SPRY3: variants seen among roughly 807,000 people sequenced by gnomAD.
SPRY3 encodes the protein sprouty RTK signaling antagonist 3, also known as protein sprouty homolog 3.
Under a neutral mutation model 20.2 loss-of-function variants are expected in SPRY3, and 15 were observed. The observed-to-expected ratio is 0.74, with a 90% CI of 0.50 to 1.14. SPRY3 has a LOEUF of 1.14. SPRY3 is among the 50% of genes most tolerant of loss of function. SPRY3 has a pLI of 0.00. For missense variants in SPRY3, 364 were observed against 363.9 expected, an observed-to-expected ratio of 1.00 and a Z score of 0.00; for synonymous variants, 143 against 136.5, an observed-to-expected ratio of 1.05 and a Z score of -0.33.
At chrX:155,723,428 A>T (rs1240425917) in intron 2 of SPRY3, among the ~76,000 whole-genome samples, 1 of 152,120 alleles carries the variant, frequency 6.6e-6, no homozygotes, top group East Asian at 1.9e-4. Flanking sequence ...ATTTCTCCAC[A>T]TCCTCTCCAG....
At chrX:155,777,074 T>G (rs2124030624), downstream of SPRY3, 1 of 167,182 alleles carries the variant, frequency 6.0e-6, no homozygotes, top group Non-Finnish European at 1.5e-5. Flanking sequence ...TTTAAGTAAC[T>G]TTTTAATCTT....
chrX:155,656,410 G>A (rs1478768923), intron 1 of SPRY3, among the ~76,000 whole-genome samples: 1 of 110,540 alleles, frequency 9.0e-6, no homozygotes, highest in Admixed American at 9.7e-5. Flanking sequence ...ACTTATGTAT[G>A]CTTCAAAAGT....
intron 2 of SPRY3, among the ~76,000 whole-genome samples, chrX:155,698,196 A>G (rs1238258562): frequency 1.8e-5 from 2 of 111,742 alleles, no homozygotes; most frequent in Non-Finnish European, 3.8e-5. Flanking sequence ...TTATCAAGAA[A>G]AAAACAAAAA....
chrX:155,725,760 A>G (rs1473489174), intron 2 of SPRY3, among the ~76,000 whole-genome samples: 3 of 152,034 alleles, frequency 2.0e-5, no homozygotes, highest in Non-Finnish European at 4.4e-5. Context: ...TGATCTTTCC[A>G]AAAAAGCAGC....
chrX:155,707,257 G>T lies in SPRY3; in HGVS notation c.-282+50232G>T, dbSNP rs2090958509. Among the ~76,000 whole-genome samples the T allele has an allele frequency of 4.6e-5, 7 of 151,234 alleles. 1 individual carries two copies. In the South Asian group the frequency reaches 1.5e-3, roughly 31 times the overall value. On this transcript the variant is annotated intron_variant, in intron 2 of 3. Transcript: ENST00000675360. ...ATTTCTTTTATTTATGGATCGTTTG[G>T]AAGTGTAGTTGAATATTTCCAAATA...
At chrX:155,773,855 T>TA (rs1569402550) in exon 4 of SPRY3, 2 of 1,608,370 alleles carry the variant, frequency 1.2e-6, no homozygotes, top group Non-Finnish European at 8.5e-7. Context: ...CACTCAGAGC[T>TA]AAAAAATCAA....
chrX:155,766,463 T>C (rs1432444452), intron 2 of SPRY3, among the ~76,000 whole-genome samples: 1 of 152,168 alleles, frequency 6.6e-6, no homozygotes, highest in African/African-American at 2.4e-5. Flanking sequence ...CTCACACAGT[T>C]TGTTTTACTC....
chrX:155,723,483 C>T (rs1238633824), intron 2 of SPRY3, among the ~76,000 whole-genome samples: 10 of 152,086 alleles, frequency 6.6e-5, no homozygotes, highest in Admixed American at 1.3e-4. Context: ...TTCTAACTGG[C>T]GTGAGATGGT....
At chrX:155,649,967 C>T (rs2067971163) in intron 1 of SPRY3, among the ~76,000 whole-genome samples, 2 of 111,145 alleles carry the variant, frequency 1.8e-5, no homozygotes, top group South Asian at 7.6e-4. Context: ...TTCCTATATA[C>T]CAATAATAGA....
chrX:155,751,925 A>AAATAAAATAAAAT (rs2091263995), intron 2 of SPRY3, among the ~76,000 whole-genome samples: 2 of 4,056 alleles, frequency 4.9e-4, no homozygotes, highest in African/African-American at 1.6e-3. Context: ...AAGGGAAGGG[A>AAATAAAATAAAAT]AATAAAATAA....
intron 2 of SPRY3, among the ~76,000 whole-genome samples, chrX:155,715,702 G>T (rs1425604697): frequency 6.6e-6 from 1 of 152,130 alleles, no homozygotes; most frequent in Non-Finnish European, 1.5e-5. Flanking sequence ...ACTTCAGCCA[G>T]TGGTGGCAAG....
At chrX:155,733,790 C>A (rs1291173239) in intron 2 of SPRY3, among the ~76,000 whole-genome samples, 2 of 152,112 alleles carry the variant, frequency 1.3e-5, no homozygotes, top group African/African-American at 4.8e-5. Context: ...GTTTTCTGAG[C>A]TAGATCTTCT....
At chrX:155,767,909 G>GT (rs1280970476) in intron 2 of SPRY3, 53 bp from the exon 2 acceptor site, 1 of 147,508 alleles carries the variant, frequency 6.8e-6, no homozygotes, top group Non-Finnish European at 1.5e-5. Flanking sequence ...CCGTTTTTTT[G>GT]TTTTGTTTTG....
intron 2 of SPRY3, among the ~76,000 whole-genome samples, chrX:155,660,853 G>A (rs1456631838): frequency 1.7e-4 from 19 of 109,026 alleles, no homozygotes; most frequent in African/African-American, 5.0e-4. Context: ...GCTCCTGCTC[G>A]CTTTTGGTCC....
downstream of SPRY3, chrX:155,780,930 C>G (rs1023555227): frequency 4.8e-5 from 8 of 166,672 alleles, no homozygotes; most frequent in African/African-American, 9.7e-5. Flanking sequence ...TTTCTCTCAC[C>G]TAAAACACCA....
rs751420256 is a variant in SPRY3, at chrX:155,763,574, G to T, written c.-281-4388G>T. Among the ~76,000 whole-genome samples, 38 of 152,054 alleles carry T rather than the reference G, an allele frequency of 2.5e-4. 1 individual carries two copies. The South Asian group carries it at 3.8e-3, about 15-fold the overall frequency. On this transcript the variant is annotated intron_variant, in intron 2 of 3. Coordinates refer to ENST00000675360, the Ensembl canonical transcript of SPRY3. ...ATTAAGTCTAAATTGCCTGTCATTC[G>T]AGTTATTCTCCAGCACTATATATTC...
intron 2 of SPRY3, among the ~76,000 whole-genome samples, chrX:155,682,131 T>C (rs1468194969): frequency 8.9e-6 from 1 of 112,173 alleles, no homozygotes; most frequent in Non-Finnish European, 1.9e-5. Context: ...CAGCTGGTGA[T>C]TTTAAGTTGA....
intron 1 of SPRY3, among the ~76,000 whole-genome samples, chrX:155,641,760 CTG>C (rs1357913774): frequency 8.7e-6 from 1 of 115,059 alleles, no homozygotes; most frequent in Non-Finnish European, 1.9e-5. Context: ...ATTTTACAAA[CTG>C]TGTTTACAAG....
In SPRY3 at chrX:155,619,532, A is replaced by T. The variant is rs142180243; in HGVS notation, c.-441+6885A>T. Among the ~76,000 whole-genome samples, 771 of 111,309 alleles carry T rather than the reference A, an allele frequency of 6.9e-3. 6 individuals are homozygous for T. Among genetic ancestry groups the T allele is most frequent in the African/African-American group, 0.024 (732 of 30,737 alleles). On this transcript the variant is annotated intron_variant, in intron 1 of 3. Coordinates refer to ENST00000675360, the Ensembl canonical transcript of SPRY3. ...CTCAAACTCTACCTCATACCATAAA[A>T]AAAACTCAACTTAGAATTAATCATA...
Sources: allele counts gnomAD v4.1 joint callset (sites outside exome capture counted in the v4.1 genomes callset), GRCh38; gene constraint gnomAD v4.1.1; transcripts MANE v1.5; gene names NCBI Gene and HGNC (gene_info 2026-07-23, HGNC 2026-07-21).